Variants in RANBP17 observed in about 807,000 individuals in gnomAD.
RANBP17 encodes the protein ran-binding protein 17.
A neutral mutation model predicts 141.2 loss-of-function variants in RANBP17; 158 were observed. The ratio of observed to expected loss-of-function variants is 1.12; its 90% CI spans 0.98 to 1.28. RANBP17 has a LOEUF of 1.28. Among genes scored for constraint, RANBP17 ranks in the 50% most tolerant of loss-of-function variants. The pLI, the probability that RANBP17 is intolerant of heterozygous loss-of-function variation, is 0.00. For synonymous variants in RANBP17, 430 were observed against 450.0 expected, an observed-to-expected ratio of 0.96 and a Z score of 0.56; for missense variants, 1,438 against 1,290.7, an observed-to-expected ratio of 1.11 and a Z score of -1.75.
chr5:170,984,427 A>AC (rs1308535312), intron 14 of RANBP17, among the ~76,000 whole-genome samples: 2 of 152,062 alleles, frequency 1.3e-5, no homozygotes, highest in African/African-American at 4.8e-5. Context: ...GAAGTTTGAG[A>AC]CCAGCCTGTG....
At chr5:171,074,728 T>G (rs1246959653) in intron 14 of RANBP17, among the ~76,000 whole-genome samples, 1 of 152,226 alleles carries the variant, frequency 6.6e-6, no homozygotes, top group Non-Finnish European at 1.5e-5. Flanking sequence ...TATTATAATC[T>G]TTGTCCATTT....
intron 5 of RANBP17, among the ~76,000 whole-genome samples, chr5:170,908,758 T>A (rs915560005): frequency 9.9e-5 from 15 of 152,044 alleles, no homozygotes; most frequent in Admixed American, 4.6e-4. Flanking sequence ...TCTGTTATGT[T>A]TCATGTTTTA....
rs934221349 is a variant in RANBP17, at chr5:171,265,445, G to A, written c.2777-236G>A. ...CTCAGGAGGCTGAAGCAGGAGAATCGCTTGAACCCAGGAGGCAGAGGTTGC... is the reference window on the plus strand; with the variant it reads ...CTCAGGAGGCTGAAGCAGGAGAATCACTTGAACCCAGGAGGCAGAGGTTGC... On this transcript the variant is annotated intron_variant, in intron 24 of 27. Transcript: ENST00000523189. 1.8e-4 allele frequency among the ~76,000 whole-genome samples: 27 copies of A among 152,116 alleles called. 1 individual carries two copies. The highest frequency in any genetic ancestry group is 9.2e-4 in the Admixed American group (14 of 15,260).
intron 3 of RANBP17, among the ~76,000 whole-genome samples, chr5:170,885,931 T>A (rs541875291): frequency 1.3e-5 from 2 of 151,864 alleles, no homozygotes; most frequent in African/African-American, 4.8e-5. Flanking sequence ...GCTCTGCTGT[T>A]GTATATCCTG....
chr5:171,029,726 T>C (rs1483215755), intron 14 of RANBP17, among the ~76,000 whole-genome samples: 1 of 152,214 alleles, frequency 6.6e-6, no homozygotes, highest in Non-Finnish European at 1.5e-5. Flanking sequence ...TATGAGGCTA[T>C]TTTCTGGACA....
At chr5:171,261,108 GA>G (rs3085132) in intron 24 of RANBP17, among the ~76,000 whole-genome samples, 145 of 49,738 alleles carry the variant, frequency 2.9e-3, no homozygotes, top group South Asian at 6.7e-3. Context: ...AAAACCAAAA[GA>G]AAAAAAAAAA....
chr5:171,148,200 T>A (rs982351965), intron 14 of RANBP17, among the ~76,000 whole-genome samples: 2 of 152,044 alleles, frequency 1.3e-5, no homozygotes, highest in Non-Finnish European at 2.9e-5. Context: ...AGCATGCTCG[T>A]TAAGAGTCAT....
At chr5:171,083,730 G>A (rs1785412615) in intron 14 of RANBP17, among the ~76,000 whole-genome samples, 1 of 152,152 alleles carries the variant, frequency 6.6e-6, no homozygotes, top group African/African-American at 2.4e-5. Flanking sequence ...TGGGAGGTAA[G>A]TGAATCATGG....
intron 14 of RANBP17, among the ~76,000 whole-genome samples, chr5:171,119,816 G>A (rs111447244): frequency 0.039 from 5,918 of 152,054 alleles, 166 homozygotes; most frequent in Non-Finnish European, 0.062. Context: ...AAGACAGGAG[G>A]ATCACCTGAG....
intron 12 of RANBP17, among the ~76,000 whole-genome samples, chr5:170,942,565 A>G (rs1312180950): frequency 2.0e-5 from 3 of 152,040 alleles, no homozygotes; most frequent in Non-Finnish European, 4.4e-5. Context: ...GAATATATGT[A>G]TATGTGAGGA....
chr5:170,957,764 C>T lies in RANBP17; in HGVS notation c.1574+4062C>T, dbSNP rs371262055. Among the ~76,000 whole-genome samples the T allele has an allele frequency of 8.9e-4, 136 of 152,234 alleles. 2 individuals carry two copies. The South Asian group carries it at 0.027, about 30-fold the overall frequency. Reference sequence around the variant, plus strand: ...ATGTGCCATACATGGGTTAGATTAGCTTTGTTTGGGTACCAGTGGGAGTAC... The same window carrying T: ...ATGTGCCATACATGGGTTAGATTAGTTTTGTTTGGGTACCAGTGGGAGTAC... On this transcript the variant is annotated intron_variant, in intron 13 of 27. Coordinates refer to ENST00000523189, the MANE Select transcript of RANBP17 (RefSeq NM_022897.5).
intron 18 of RANBP17, among the ~76,000 whole-genome samples, chr5:171,190,264 A>G (rs1216692456): frequency 2.0e-5 from 3 of 152,188 alleles, no homozygotes; most frequent in Non-Finnish European, 4.4e-5. Context: ...TGCACTTTGT[A>G]TGAATTTAAT....
At chr5:171,251,409 C>T (rs1336231581) in intron 24 of RANBP17, among the ~76,000 whole-genome samples, 1 of 152,074 alleles carries the variant, frequency 6.6e-6, no homozygotes, top group Non-Finnish European at 1.5e-5. Flanking sequence ...GAAATCATAT[C>T]AGGTATCTTC....
At chr5:171,255,397 A>G (rs1765818439) in intron 24 of RANBP17, among the ~76,000 whole-genome samples, 1 of 152,192 alleles carries the variant, frequency 6.6e-6, no homozygotes, top group Admixed American at 6.5e-5. Flanking sequence ...TACAGCATTG[A>G]AATACTACAT....
intron 14 of RANBP17, among the ~76,000 whole-genome samples, chr5:171,093,705 T>A (rs1286362500): frequency 6.6e-6 from 1 of 152,236 alleles, no homozygotes; most frequent in Non-Finnish European, 1.5e-5. Flanking sequence ...GTAATCAGAT[T>A]AAGTATGTAT....
chr5:171,007,683 A>G (rs567458842), intron 14 of RANBP17, among the ~76,000 whole-genome samples: 2 of 152,248 alleles, frequency 1.3e-5, no homozygotes, highest in African/African-American at 4.8e-5. Flanking sequence ...AAAATTATCT[A>G]GGTCTCGTAG....
chr5:170,982,058 A>T (rs2127552162), intron 14 of RANBP17, among the ~76,000 whole-genome samples: 1 of 152,290 alleles, frequency 6.6e-6, no homozygotes, highest in Middle Eastern at 3.4e-3. Context: ...TTTGAACAGG[A>T]GGTTCTAGGG....
At chr5:171,018,732 T>A (rs1336219088) in intron 14 of RANBP17, among the ~76,000 whole-genome samples, 1 of 152,178 alleles carries the variant, frequency 6.6e-6, no homozygotes, top group Non-Finnish European at 1.5e-5. Flanking sequence ...TTTCTTCCTA[T>A]TTGAATACCC....
At chr5:171,134,014 C>A (rs1194957810) in intron 14 of RANBP17, among the ~76,000 whole-genome samples, 1 of 152,140 alleles carries the variant, frequency 6.6e-6, no homozygotes, top group Middle Eastern at 3.2e-3. Flanking sequence ...TTGATGTTAA[C>A]CCTACCTCAG....
Sources: gnomAD v4.1 joint callset for allele counts (sites outside exome capture counted in the v4.1 genomes callset) on GRCh38, gnomAD v4.1.1 for gene constraint, MANE v1.5 for transcripts, NCBI Gene and HGNC (gene_info 2026-07-23, HGNC 2026-07-21) for gene names.